The following CSMD3 variants were observed in gnomAD, a reference collection of about 807,000 sequenced individuals.
CSMD3 encodes the protein CUB and sushi domain-containing protein 3.
CSMD3 carries 177 observed loss-of-function variants against 435.2 expected under a neutral mutation model. That is an observed-to-expected ratio of 0.41 (90% CI 0.36 to 0.46). CSMD3 has a LOEUF of 0.46. Among genes scored for constraint, CSMD3 ranks in the 20% least tolerant of loss-of-function variants. The probability of loss-of-function intolerance (pLI) is 0.34; values close to 1 mark genes in which losing one functional copy is unlikely to be tolerated. For synonymous variants in CSMD3, 1,656 were observed against 1,520.5 expected, an observed-to-expected ratio of 1.09 and a Z score of -2.07; for missense variants, 4,265 against 4,504.6, an observed-to-expected ratio of 0.95 and a Z score of 1.52.
chr8:112,615,603 C>T (rs112467190), intron 22 of CSMD3, among the ~76,000 whole-genome samples: 8 of 152,112 alleles, frequency 5.3e-5, no homozygotes, highest in African/African-American at 1.7e-4. Context: ...TGAAATTTAA[C>T]CAATAATATA....
Position 112,680,635 on chromosome 8 carries a change from A to G in CSMD3, c.2677+1807T>C, listed in dbSNP as rs181722249. ...TACTATTTGAAGTTTGAAAAAGAAC[A>G]CTAAAGTCATCTAGTTCTGCCCACC... On this transcript the variant is annotated intron_variant, in intron 16 of 70. Transcript: ENST00000297405. Among the ~76,000 whole-genome samples, 1,012 of 152,274 alleles carry G rather than the reference A, an allele frequency of 6.6e-3. 36 individuals are homozygous for G. Among genetic ancestry groups the G allele is most frequent in the Admixed American group, 0.055 (841 of 15,286 alleles).
intron 32 of CSMD3, among the ~76,000 whole-genome samples, chr8:112,443,714 T>C (rs556832111): frequency 2.2e-4 from 34 of 152,246 alleles, no homozygotes; most frequent in African/African-American, 7.7e-4. Context: ...TTGATTTCAT[T>C]GAGAATGAGC....
At chr8:113,111,591 T>G (rs1043032056) in intron 4 of CSMD3, among the ~76,000 whole-genome samples, 1 of 152,202 alleles carries the variant, frequency 6.6e-6, no homozygotes, top group Non-Finnish European at 1.5e-5. Context: ...GTTTATCGCA[T>G]GTGTCGATTT....
At chr8:112,516,909 A>G in intron 28 of CSMD3, 125 bp downstream of exon 28, 1 of 738,668 alleles carries the variant, frequency 1.4e-6, no homozygotes, top group Non-Finnish European at 2.3e-6. Flanking sequence ...GCGGAGGTTA[A>G]TAATCCTCTG....
rs751332617 is a variant in CSMD3 at position 113,374,838 on chromosome 8, AAAAAAAAAAC to A, written c.179-60055_179-60046del. On this transcript the variant is annotated intron_variant, in intron 1 of 70. Transcript: ENST00000297405. Reference sequence around the variant, plus strand: ...AAAAGTAAAAAAAAAAAAAAAAAAAAAAAAAAAAACCAATAAAATGAACACCATAATACCA... The same window carrying A: ...AAAAGTAAAAAAAAAAAAAAAAAAAACAATAAAATGAACACCATAATACCA... Among the ~76,000 whole-genome samples the A allele has an allele frequency of 3.6e-3, 459 of 125,932 alleles. 16 individuals are homozygous for A. Among genetic ancestry groups the A allele is most frequent in the East Asian group, 0.016 (67 of 4,210 alleles). 82.6% of individuals were successfully genotyped at this position (125,932 alleles called of 152,430 possible).
intron 1 of CSMD3, among the ~76,000 whole-genome samples, chr8:113,421,148 GA>G (rs1292548672): frequency 1.3e-5 from 2 of 151,488 alleles, no homozygotes. Flanking sequence ...AGACCAAAAG[GA>G]AAAAAAATTA....
chr8:113,280,642 G>T (rs987337769), intron 2 of CSMD3, among the ~76,000 whole-genome samples: 1 of 151,284 alleles, frequency 6.6e-6, no homozygotes, highest in Admixed American at 6.6e-5. Flanking sequence ...AATTTTTTTT[G>T]TTTCAATTTC....
intron 4 of CSMD3, among the ~76,000 whole-genome samples, chr8:113,138,622 C>A (rs2091473549): frequency 6.6e-6 from 1 of 151,256 alleles, no homozygotes; most frequent in Non-Finnish European, 1.5e-5. Flanking sequence ...GGATAAAAGA[C>A]CTGAAAGAAT....
chr8:112,645,047 TAAG>T, intron 20 of CSMD3, 59 bp downstream of exon 20: 5 of 880,694 alleles, frequency 5.7e-6, no homozygotes, highest in South Asian at 5.2e-5. Flanking sequence ...GAAAGTGAAA[TAAG>T]AATAGACTCA....
intron 7 of CSMD3, 49 bp from the exon 8 acceptor site, chr8:112,954,810 A>G (rs544125273): frequency 1.5e-5 from 17 of 1,139,772 alleles, no homozygotes; most frequent in Non-Finnish European, 2.2e-5. Flanking sequence ...ACAATTTTAA[A>G]ATGAAATTCA....
At chr8:113,018,892 T>G (rs2086575596) in intron 6 of CSMD3, 175 bp downstream of exon 6, 1 of 622,686 alleles carries the variant, frequency 1.6e-6, no homozygotes, top group Non-Finnish European at 2.9e-6. Flanking sequence ...TCAACTAACT[T>G]TAATACTGTA....
intron 22 of CSMD3, among the ~76,000 whole-genome samples, chr8:112,627,522 C>G (rs1834582155): frequency 6.6e-6 from 1 of 152,160 alleles, no homozygotes; most frequent in Non-Finnish European, 1.5e-5. Flanking sequence ...TTTAAAAAGT[C>G]TGTGTCCTCT....
rs181684217 is a variant in CSMD3 at position 112,461,444 on chromosome 8, A to G, written c.5395+11147T>C. On this transcript the variant is annotated intron_variant, in intron 32 of 70. Coordinates refer to ENST00000297405, the MANE Select transcript of CSMD3 (RefSeq NM_198123.2). The stretch of plus-strand genomic sequence containing the variant: ...TATGTATAACTTTTTTCTTTTTATT[A>G]TTTCAAATATTTTCCCATATCAACA... Among the ~76,000 whole-genome samples, 533 of 152,162 alleles carry G rather than the reference A, an allele frequency of 3.5e-3. 1 individual carries two copies. The highest frequency in any genetic ancestry group is 0.012 in the African/African-American group (501 of 41,552).
At chr8:112,652,899 G>A (rs1386508478) in intron 18 of CSMD3, among the ~76,000 whole-genome samples, 3 of 151,912 alleles carry the variant, frequency 2.0e-5, no homozygotes, top group Non-Finnish European at 4.4e-5. Context: ...CCTCCACTTC[G>A]CTTCCTGGGT....
chr8:112,674,806 T>C (rs2075736472), intron 16 of CSMD3, among the ~76,000 whole-genome samples: 1 of 152,148 alleles, frequency 6.6e-6, no homozygotes, highest in Non-Finnish European at 1.5e-5. Context: ...GGGATTCTTA[T>C]GCAGCCCTTT....
At chr8:112,801,248 G>C (rs537282018) in intron 12 of CSMD3, among the ~76,000 whole-genome samples, 1 of 152,062 alleles carries the variant, frequency 6.6e-6, no homozygotes, top group East Asian at 1.9e-4. Context: ...AGAGTGTTTA[G>C]TCTCTTAAAT....
chr8:112,977,629 C>A (rs371801920), intron 6 of CSMD3, among the ~76,000 whole-genome samples: 7 of 151,888 alleles, frequency 4.6e-5, no homozygotes, highest in African/African-American at 1.7e-4. Context: ...CAGGTTGAGT[C>A]GTCATATCTG....
intron 5 of CSMD3, among the ~76,000 whole-genome samples, chr8:113,073,480 C>A (rs1002389149): frequency 2.0e-5 from 3 of 151,850 alleles, no homozygotes; most frequent in African/African-American, 7.2e-5. Flanking sequence ...AAGGCAACCC[C>A]CTGCACATGT....
chr8:112,590,995 T>A (rs1032980535), intron 22 of CSMD3, among the ~76,000 whole-genome samples: 2 of 152,028 alleles, frequency 1.3e-5, no homozygotes, highest in African/African-American at 2.4e-5. Flanking sequence ...TAATTTGAAC[T>A]AGGGGGTGGT....
Sources: allele counts gnomAD v4.1 joint callset (sites outside exome capture counted in the v4.1 genomes callset), GRCh38; gene constraint gnomAD v4.1.1; transcripts MANE v1.5; gene names NCBI Gene and HGNC (gene_info 2026-07-23, HGNC 2026-07-21).